BST1: variants seen among roughly 807,000 people sequenced by gnomAD.
BST1 encodes bone marrow stromal cell antigen 1, also known as ADP-ribosyl cyclase/cyclic ADP-ribose hydrolase 2.
Under a neutral mutation model 40.6 loss-of-function variants are expected in BST1, and 49 were observed. That is an observed-to-expected ratio of 1.21 (90% confidence interval 0.96 to 1.53). The LOEUF is 1.53. Ranked by LOEUF, BST1 falls within the 40% of genes most tolerant of loss-of-function variation. BST1 has a pLI of 0.00. For synonymous variants in BST1, 157 were observed against 159.3 expected (o/e 0.99, Z 0.11); for missense variants, 423 against 395.9 (o/e 1.07, Z -0.58).
At chr4:15,757,055 G>A in the BST1 span, among the ~76,000 whole-genome samples, 1 of 152,138 alleles carries the variant, frequency 6.6e-6, no homozygotes. Flanking sequence ...GCTGTTCCTA[G>A]ACAATTTTTA....
chr4:15,752,373 G>A, the BST1 span, among the ~76,000 whole-genome samples: 1 of 151,792 alleles, frequency 6.6e-6, no homozygotes, highest in East Asian at 1.9e-4. Context: ...ATTTGAAGGA[G>A]TGAAGGAATC....
downstream of BST1, among the ~76,000 whole-genome samples, chr4:15,742,914 T>C (rs1427644327): frequency 6.6e-6 from 1 of 152,230 alleles, no homozygotes; most frequent in African/African-American, 2.4e-5. Context: ...AGGAGGACAT[T>C]GGGCCTGCCC....
chr4:15,771,369 C>A, the BST1 span, among the ~76,000 whole-genome samples: 4 of 152,208 alleles, frequency 2.6e-5, no homozygotes, highest in Admixed American at 2.6e-4. Context: ...TGTGCATTAT[C>A]TTCTTCCCCC....
At chr4:15,749,732 T>C in the BST1 span, among the ~76,000 whole-genome samples, 4 of 152,140 alleles carry the variant, frequency 2.6e-5, no homozygotes, top group African/African-American at 7.2e-5. Flanking sequence ...ATTTATGAGG[T>C]ACATGAGATG....
the BST1 span, among the ~76,000 whole-genome samples, chr4:15,746,017 A>C: frequency 2.2e-3 from 334 of 152,358 alleles, 9 homozygotes; most frequent in East Asian, 0.059. Context: ...CCCTTGGGCA[A>C]GATGGTGAGT....
At chr4:15,714,023 A>T (rs1025191802) in intron 4 of BST1, among the ~76,000 whole-genome samples, 2 of 151,496 alleles carry the variant, frequency 1.3e-5, no homozygotes, top group African/African-American at 2.4e-5. Context: ...TTTTTTTTTT[A>T]ATATTTTTTT....
At chr4:15,719,094 C>CATCA in intron 7 of BST1, 101 bp downstream of exon 7, 1 of 1,005,148 alleles carries the variant, frequency 9.9e-7, no homozygotes, top group Non-Finnish European at 1.4e-6. Context: ...CTCTGAAGGC[C>CATCA]ATGGTGTCTT....
the BST1 span, among the ~76,000 whole-genome samples, chr4:15,752,107 T>C: frequency 6.6e-6 from 1 of 152,226 alleles, no homozygotes; most frequent in Admixed American, 6.5e-5. Context: ...TAAACAGCTA[T>C]CATTGTGTGT....
the BST1 span, among the ~76,000 whole-genome samples, chr4:15,758,945 G>A: frequency 6.6e-6 from 1 of 151,976 alleles, no homozygotes; most frequent in African/African-American, 2.4e-5. Flanking sequence ...GGATTACGGA[G>A]CTATGGCCTA....
chr4:15,765,594 G>C, the BST1 span, among the ~76,000 whole-genome samples: 55 of 152,040 alleles, frequency 3.6e-4, 1 homozygote, highest in African/African-American at 1.3e-3. Flanking sequence ...TTTCCTCCTT[G>C]TTCTTCCTGT....
chr4:15,721,867 A>G (rs1223575493), intron 7 of BST1, among the ~76,000 whole-genome samples: 1 of 146,772 alleles, frequency 6.8e-6, no homozygotes, highest in Non-Finnish European at 1.5e-5. Context: ...AGTCAAGGAC[A>G]GAAGACATGG....
At chr4:15,750,803 G>A in the BST1 span, among the ~76,000 whole-genome samples, 3 of 151,360 alleles carry the variant, frequency 2.0e-5, no homozygotes, top group Non-Finnish European at 4.4e-5. Flanking sequence ...ATTGTAACTG[G>A]GTTTTTTTGT....
chr4:15,744,679 G>A, the BST1 span, among the ~76,000 whole-genome samples: 4 of 152,164 alleles, frequency 2.6e-5, no homozygotes, highest in Non-Finnish European at 4.4e-5. Flanking sequence ...CACTGTAATC[G>A]TGAGGCTTAG....
intron 3 of BST1, among the ~76,000 whole-genome samples, chr4:15,711,164 T>G (rs4541502): frequency 0.49 from 74,810 of 152,038 alleles, 18,887 homozygotes; most frequent in Middle Eastern, 0.6. Context: ...GCCATTAATA[T>G]CAGTTTTTGC....
In BST1 at chr4:15,718,891, T is replaced by C. The variant is rs765793572; in HGVS notation, c.705-16T>C. 6.2e-7 allele frequency: 1 copy of C among 1,607,876 alleles called. No homozygotes were observed. The highest frequency in any genetic ancestry group is 1.3e-5 in the African/African-American group (1 of 74,654). On this transcript the variant is annotated splice_polypyrimidine_tract_variant and intron_variant, in intron 6 of 8. Transcript: ENST00000265016. The stretch of plus-strand genomic sequence containing the variant: ...CTTATTTGCTTACTTTTTAATTATA[T>C]ATTTTCATGTTTTAGGGAATCCTGC...
chr4:15,724,751 G>A, intron 8 of BST1, among the ~76,000 whole-genome samples: 1 of 152,228 alleles, frequency 6.6e-6, no homozygotes, highest in South Asian at 2.1e-4. Flanking sequence ...CTGGTGAGCT[G>A]GCTTGTCATC....
rs1043694161 is a variant in BST1, at chr4:15,705,608, T to A, written c.282T>A (p.Ile94=). ...SVLPSDYDLF[I]NLSRHSIPRD... is the part of the protein sequence containing the mutation. ...TGCCCTCAGACTATGACCTTTTTAT[T>A]AACTTGTCCAGGCACTCTATTCCCA... The change falls in exon 2 of 9, where the codon ATT becomes ATA. Residue 94 remains isoleucine, a synonymous_variant. Transcript: ENST00000265016. 1 of 1,614,052 alleles carries A rather than the reference T, an allele frequency of 6.2e-7. No homozygotes were observed. Among genetic ancestry groups the A allele is most frequent in the African/African-American group, 1.3e-5 (1 of 75,024 alleles).
chr4:15,731,660 C>A, intron 8 of BST1, 80 bp from the exon 9 acceptor site: 1 of 1,499,968 alleles, frequency 6.7e-7, no homozygotes, highest in Admixed American at 2.0e-5. Context: ...AGAAAAGAGA[C>A]TAATACTGCA....
At chr4:15,733,688 G>C (rs886383971), downstream of BST1, among the ~76,000 whole-genome samples, 3 of 152,150 alleles carry the variant, frequency 2.0e-5, no homozygotes, top group Non-Finnish European at 4.4e-5. Flanking sequence ...GGAGTGAAGG[G>C]GGAGGTGCTA....
Sources: allele counts gnomAD v4.1 joint callset (sites outside exome capture counted in the v4.1 genomes callset), GRCh38; gene constraint gnomAD v4.1.1; transcripts MANE v1.5; gene names NCBI Gene and HGNC (gene_info 2026-07-23, HGNC 2026-07-21).